CFAP77: variants seen among roughly 807,000 people sequenced by gnomAD.
The protein encoded by CFAP77 is cilia- and flagella-associated protein 77.
Under a neutral mutation model 31.1 loss-of-function variants are expected in CFAP77, and 25 were observed. That is an observed-to-expected ratio of 0.80 (90% CI 0.59 to 1.12). CFAP77 has a LOEUF of 1.12. Among genes scored for constraint, CFAP77 ranks in the 50% most tolerant of loss-of-function variants. The probability of loss-of-function intolerance (pLI) is 0.00; values close to 1 mark genes in which losing one functional copy is unlikely to be tolerated. For synonymous variants in CFAP77, 151 were observed against 159.9 expected (o/e 0.94, Z 0.42); for missense variants, 377 against 397.3 (o/e 0.95, Z 0.44).
intron 1 of CFAP77, among the ~76,000 whole-genome samples, chr9:132,445,930 C>T (rs988790604): frequency 2.6e-5 from 4 of 151,602 alleles, no homozygotes; most frequent in East Asian, 3.9e-4. Flanking sequence ...AATTTCTCTG[C>T]TCTTGTGTTC....
rs146040271 is a variant in CFAP77, at chr9:132,478,264, G to T, written c.196-20431G>T. On this transcript the variant is annotated intron_variant, in intron 1 of 5. Coordinates refer to ENST00000393216, the MANE Select transcript of CFAP77 (RefSeq NM_001282957.2). ...GTACAGTGGCTTTTCTGAGTTCTGT[G>T]GGTCCTTCTGGCAAATTCCTGAAGC... Among the ~76,000 whole-genome samples, 515 of 152,168 alleles carry T rather than the reference G, an allele frequency of 3.4e-3. 3 individuals carry two copies. Among genetic ancestry groups the T allele is most frequent in the African/African-American group, 0.011 (474 of 41,494 alleles).
At chr9:132,523,383 C>T (rs1164281034) in intron 3 of CFAP77, among the ~76,000 whole-genome samples, 2 of 152,222 alleles carry the variant, frequency 1.3e-5, no homozygotes, top group Admixed American at 6.5e-5. Flanking sequence ...GCCACTGCGC[C>T]CGACCTTCCA....
At chr9:132,465,073 CA>C (rs773917029) in intron 1 of CFAP77, among the ~76,000 whole-genome samples, 15,758 of 82,448 alleles carry the variant, frequency 0.19, 470 homozygotes, top group East Asian at 0.35. Context: ...GACTCTGTCT[CA>C]AAAAAAAAAA....
At chr9:132,462,511 T>G (rs776529228) in intron 1 of CFAP77, among the ~76,000 whole-genome samples, 2 of 152,144 alleles carry the variant, frequency 1.3e-5, no homozygotes, top group African/African-American at 2.4e-5. Context: ...GCAATGGCCA[T>G]TTCTATCATC....
At chr9:132,559,508 A>G (rs915163314) in intron 5 of CFAP77, among the ~76,000 whole-genome samples, 1 of 152,182 alleles carries the variant, frequency 6.6e-6, no homozygotes, top group Admixed American at 6.5e-5. Flanking sequence ...TACAACGGCT[A>G]GAATAAAAAT....
intron 1 of CFAP77, among the ~76,000 whole-genome samples, chr9:132,466,770 G>A (rs1187446783): frequency 6.6e-6 from 1 of 152,172 alleles, no homozygotes; most frequent in Non-Finnish European, 1.5e-5. Context: ...GGGGCTGGTG[G>A]AGATGACCTC....
At chr9:132,556,507 C>T (rs951012080) in intron 5 of CFAP77, among the ~76,000 whole-genome samples, 11 of 152,136 alleles carry the variant, frequency 7.2e-5, no homozygotes, top group African/African-American at 2.7e-4. Context: ...CCTCCATCTC[C>T]CATTCACTCC....
chr9:132,560,163 T>C (rs1287000589), intron 5 of CFAP77, among the ~76,000 whole-genome samples: 1 of 152,224 alleles, frequency 6.6e-6, no homozygotes, highest in Non-Finnish European at 1.5e-5. Flanking sequence ...ATGTGAATTA[T>C]ATCTCAATAA....
intron 5 of CFAP77, among the ~76,000 whole-genome samples, chr9:132,568,999 C>G (rs945879987): frequency 6.6e-6 from 1 of 152,078 alleles, no homozygotes; most frequent in Non-Finnish European, 1.5e-5. Context: ...CTTGTCTGGC[C>G]GTTGATGGCT....
At chr9:132,521,097 A>G (rs1852256159) in intron 3 of CFAP77, among the ~76,000 whole-genome samples, 1 of 152,230 alleles carries the variant, frequency 6.6e-6, no homozygotes, top group Admixed American at 6.5e-5. Flanking sequence ...CGTCTTCAGG[A>G]AGGGGTTGCT....
chr9:132,562,705 ATT>A (rs955963280), intron 5 of CFAP77, among the ~76,000 whole-genome samples: 2 of 146,880 alleles, frequency 1.4e-5, no homozygotes, highest in African/African-American at 2.5e-5. Flanking sequence ...GTTTTATTTT[ATT>A]TTTTTTTTTT....
rs1230219566 is a variant in CFAP77, at chr9:132,490,842, A to G, written c.196-7853A>G. On this transcript the variant is annotated intron_variant, in intron 1 of 5. Coordinates refer to ENST00000393216, the MANE Select transcript of CFAP77 (RefSeq NM_001282957.2). The surrounding 1 kb of genome is among the most constrained non-coding windows in gnomAD (Gnocchi z 4.6). ...ACATTGTTATAATGTTGATGAGAAA[A>G]GAAATCAATGTCCGGCCGGGGCCAC... Among the ~76,000 whole-genome samples, 1 of 152,192 alleles carries G rather than the reference A, an allele frequency of 6.6e-6. No homozygotes were observed. The highest frequency in any genetic ancestry group is 1.9e-4 in the East Asian group (1 of 5,198).
chr9:132,571,724 G>A (rs1217692930), intron 5 of CFAP77, among the ~76,000 whole-genome samples: 5 of 152,172 alleles, frequency 3.3e-5, no homozygotes, highest in African/African-American at 1.2e-4. Flanking sequence ...GATGGATTTT[G>A]TAGCACTTGG....
At position 132,539,002 on chromosome 9, in the gene CFAP77, GCTTGGACC is replaced by G. The variant is rs1852594851; in HGVS notation, c.630+1298_630+1305del. 6.6e-6 allele frequency among the ~76,000 whole-genome samples: 1 copy of G among 152,232 alleles called. No homozygotes were observed. The highest frequency in any genetic ancestry group is 6.5e-5 in the Admixed American group (1 of 15,298). On this transcript the variant is annotated intron_variant, in intron 4 of 5. Coordinates refer to ENST00000393216, the MANE Select transcript of CFAP77 (RefSeq NM_001282957.2). The surrounding 1 kb of genome is among the most constrained non-coding windows in gnomAD (Gnocchi z 4.3). ...CTCGGGAGGCTGAGGCAAGAGAGTT[GCTTGGACC>G]CAGGAGGTGGAGGTTGCAGTGAGCC...
At chr9:132,418,052 T>G (rs746141384) in intron 1 of CFAP77, among the ~76,000 whole-genome samples, 1 of 152,076 alleles carries the variant, frequency 6.6e-6, no homozygotes, top group Non-Finnish European at 1.5e-5. Context: ...TGGGTTTCCT[T>G]ATTTGGAGAG....
At chr9:132,473,509 C>G (rs915834548) in intron 1 of CFAP77, among the ~76,000 whole-genome samples, 7 of 152,168 alleles carry the variant, frequency 4.6e-5, no homozygotes, top group Non-Finnish European at 8.8e-5. Context: ...AGTCCGGACA[C>G]GGATTCCCTT....
intron 1 of CFAP77, among the ~76,000 whole-genome samples, chr9:132,462,527 G>GT (rs1851069576): frequency 6.6e-6 from 1 of 152,100 alleles, no homozygotes; most frequent in Non-Finnish European, 1.5e-5. Flanking sequence ...TCATCTCCAG[G>GT]TTTTCAACGT....
chr9:132,423,979 GAT>G (rs1228533852), intron 1 of CFAP77, among the ~76,000 whole-genome samples: 1 of 152,184 alleles, frequency 6.6e-6, no homozygotes, highest in Non-Finnish European at 1.5e-5. Flanking sequence ...CTCATCTGGG[GAT>G]ATGTTTTCTG....
intron 5 of CFAP77, among the ~76,000 whole-genome samples, chr9:132,544,560 A>G (rs74810828): frequency 0.058 from 8,633 of 148,178 alleles, 367 homozygotes; most frequent in Middle Eastern, 0.16. Flanking sequence ...CAGTGGTGCA[A>G]TCACCTTCAC....
Sources: gnomAD v4.1 joint callset for allele counts (sites outside exome capture counted in the v4.1 genomes callset) on GRCh38, gnomAD v4.1.1 for gene constraint, Gnocchi (gnomAD v3.1) non-coding constraint, MANE v1.5 for transcripts, NCBI Gene and HGNC (gene_info 2026-07-23, HGNC 2026-07-21) for gene names.